Variants in RALGDS observed in about 807,000 individuals in gnomAD.
RALGDS encodes the protein ral guanine nucleotide dissociation stimulator.
A neutral mutation model predicts 99.8 loss-of-function variants in RALGDS; 44 were observed. The ratio of observed to expected loss-of-function variants is 0.44; its 90% CI spans 0.35 to 0.57. RALGDS has a LOEUF of 0.57. RALGDS is among the 20% of genes least tolerant of loss of function. RALGDS has a pLI of 0.01. For missense variants in RALGDS, 1,022 were observed against 1,203.1 expected (o/e 0.85, Z 2.23); for synonymous variants, 529 against 505.0 (o/e 1.05, Z -0.64).
intron 9 of RALGDS, among the ~76,000 whole-genome samples, chr9:133,105,626 C>T (rs866270895): frequency 2.6e-5 from 4 of 152,176 alleles, no homozygotes; most frequent in East Asian, 1.9e-4. Flanking sequence ...CAGGAGGGAC[C>T]GGCGAGGAAG....
At chr9:133,099,627 C>T (rs1311955427) in intron 17 of RALGDS, 1 of 151,734 alleles carries the variant, frequency 6.6e-6, no homozygotes, top group Non-Finnish European at 1.5e-5. Flanking sequence ...CATATACATG[C>T]ATATATATAC....
intron 16 of RALGDS, chr9:133,100,713 C>T: frequency 8.2e-7 from 1 of 1,223,116 alleles, no homozygotes; most frequent in Non-Finnish European, 1.0e-6. Flanking sequence ...CATCACTGAG[C>T]CTGGGGAACA....
upstream of RALGDS, among the ~76,000 whole-genome samples, chr9:133,123,695 GACACAAAGAT>G (rs1459191775): frequency 6.6e-6 from 1 of 151,374 alleles, no homozygotes; most frequent in African/African-American, 2.4e-5. Flanking sequence ...CACACAGACA[GACACAAAGAT>G]ACACAGAGAT....
chr9:133,111,772 A>T (rs1831354299), intron 2 of RALGDS, among the ~76,000 whole-genome samples: 1 of 152,196 alleles, frequency 6.6e-6, no homozygotes, highest in Admixed American at 6.5e-5. Context: ...AACAGCCTGA[A>T]GCCCTTTTGT....
At chr9:133,138,923 C>T (rs762939641) in intron 1 of RALGDS, among the ~76,000 whole-genome samples, 4 of 152,162 alleles carry the variant, frequency 2.6e-5, no homozygotes. Context: ...CATGAGCCAC[C>T]GCACCTGTCC....
intron 1 of RALGDS, among the ~76,000 whole-genome samples, chr9:133,140,820 C>T (rs1304390447): frequency 2.0e-5 from 3 of 152,128 alleles, no homozygotes; most frequent in Non-Finnish European, 4.4e-5. Flanking sequence ...GCCTTCTTGG[C>T]GTGGCATCCG....
rs73660447 is a variant in RALGDS at position 133,115,734 on chromosome 9, C to T, written c.184-3582G>A. Among the ~76,000 whole-genome samples, 933 of 152,310 alleles carry T rather than the reference C, an allele frequency of 6.1e-3. 5 individuals carry two copies. The highest frequency in any genetic ancestry group is 0.021 in the African/African-American group (864 of 41,542). On this transcript the variant is annotated intron_variant, in intron 1 of 17. Coordinates refer to ENST00000372050, the MANE Select transcript of RALGDS (RefSeq NM_006266.4). The stretch of plus-strand genomic sequence containing the variant: ...ACCTGACATCATATCCCCCTGGGGC[C>T]GGCGACGGATGCTGGGCTGTAAAAA...
At chr9:133,143,771 T>TAATAACAACAAC (rs1554745676) in intron 1 of RALGDS, among the ~76,000 whole-genome samples, 10 of 111,604 alleles carry the variant, frequency 9.0e-5, no homozygotes, top group East Asian at 4.9e-4. Flanking sequence ...ATAATAATAA[T>TAATAACAACAAC]AACAACAACA....
At chr9:133,113,537 A>C (rs1032029760) in intron 1 of RALGDS, among the ~76,000 whole-genome samples, 1 of 152,166 alleles carries the variant, frequency 6.6e-6, no homozygotes, top group Non-Finnish European at 1.5e-5. Flanking sequence ...CAGGGAACCC[A>C]CAGGCACACT....
At chr9:133,137,967 C>T (rs528351402) in intron 1 of RALGDS, among the ~76,000 whole-genome samples, 2 of 152,294 alleles carry the variant, frequency 1.3e-5, no homozygotes, top group African/African-American at 4.8e-5. Flanking sequence ...CCAGTGCGCT[C>T]GGGCCAGGGG....
upstream of RALGDS, among the ~76,000 whole-genome samples, chr9:133,132,870 G>A (rs913169777): frequency 3.9e-5 from 6 of 152,008 alleles, no homozygotes; most frequent in African/African-American, 1.2e-4. Flanking sequence ...AACTCCTGAC[G>A]TCGAGATCCG....
upstream of RALGDS, among the ~76,000 whole-genome samples, chr9:133,132,491 C>A (rs1410282289): frequency 6.6e-6 from 1 of 152,148 alleles, no homozygotes; most frequent in Non-Finnish European, 1.5e-5. Context: ...TTTCCCTGAG[C>A]CTCGGTTTCC....
chr9:133,103,071 C>T (rs1471128285), intron 12 of RALGDS, among the ~76,000 whole-genome samples, 159 bp downstream of exon 12: 3 of 152,140 alleles, frequency 2.0e-5, no homozygotes, highest in Non-Finnish European at 4.4e-5. Context: ...GGATTATAAC[C>T]TCCTACCCTC....
chr9:133,127,839 G>T (rs569132240), intron 1 of RALGDS, among the ~76,000 whole-genome samples: 2 of 152,386 alleles, frequency 1.3e-5, no homozygotes, highest in East Asian at 3.9e-4. Flanking sequence ...CTGGGTGGCA[G>T]ATGTGACAGC....
At chr9:133,128,151 C>A (rs1371114700) in intron 1 of RALGDS, among the ~76,000 whole-genome samples, 1 of 152,184 alleles carries the variant, frequency 6.6e-6, no homozygotes, top group African/African-American at 2.4e-5. Context: ...GTCACTGCCA[C>A]CCCCGAGGGG....
chr9:133,107,893 G>T, intron 6 of RALGDS, 95 bp downstream of exon 6: 1 of 1,487,336 alleles, frequency 6.7e-7, no homozygotes. Flanking sequence ...GATTTGACCA[G>T]AACATCAGCT....
At chr9:133,145,958 G>T (rs1027585764) in intron 1 of RALGDS, among the ~76,000 whole-genome samples, 1 of 152,318 alleles carries the variant, frequency 6.6e-6, no homozygotes, top group African/African-American at 2.4e-5. Flanking sequence ...ACAACTGTGA[G>T]GAAAGAAACT....
chr9:133,108,914 A>G (rs921209482), intron 4 of RALGDS, 48 bp from the exon 5 acceptor site: 2 of 1,544,238 alleles, frequency 1.3e-6, no homozygotes, highest in African/African-American at 1.4e-5. Context: ...GGCTCCCCTG[A>G]GCCAGGCTGG....
At chr9:133,149,080 G>T in exon 1 of RALGDS, 2 of 912,062 alleles carry the variant, frequency 2.2e-6, no homozygotes, top group Non-Finnish European at 2.8e-6. Context: ...GCGCCCGGCT[G>T]CGGGGCTCAT....
Sources: allele counts gnomAD v4.1 joint callset (sites outside exome capture counted in the v4.1 genomes callset), GRCh38; gene constraint gnomAD v4.1.1; transcripts MANE v1.5; gene names NCBI Gene and HGNC (gene_info 2026-07-23, HGNC 2026-07-21).